Variants in SIPA1 observed in about 807,000 individuals in gnomAD.
SIPA1 encodes the protein signal-induced proliferation-associated 1, also known as signal-induced proliferation-associated protein 1.
In SIPA1, 51 loss-of-function variants were observed where a neutral mutation model predicts 88.1. That is an observed-to-expected ratio of 0.58 (90% CI 0.46 to 0.73). The LOEUF (loss-of-function observed/expected upper bound fraction) is 0.73, where lower values mean the gene tolerates loss of function less well. Among genes scored for constraint, SIPA1 ranks in the 30% least tolerant of loss-of-function variants. The pLI is 0.00. For missense variants in SIPA1, 1,348 were observed against 1,467.6 expected, an observed-to-expected ratio of 0.92 and a Z score of 1.33; for synonymous variants, 681 against 664.8, an observed-to-expected ratio of 1.02 and a Z score of -0.37.
In SIPA1 at chr11:65,641,266, G is replaced by C; in HGVS notation, c.345G>C (p.Trp115Cys). Reference protein sequence around the residue: ...PAFPPVLEPRWFAHYDVQSLL... With the variant: ...PAFPPVLEPRCFAHYDVQSLL... ...TCCCACCAGTGCTTGAGCCTCGATG[G>C]TTTGCCCACTATGACGTGCAAAGCC... Residue 115 changes from tryptophan to cysteine, a missense_variant, in exon 2 of 16, where the codon TGG becomes TGC. By Grantham distance (215) the Trp-to-Cys change is radical. Coordinates refer to ENST00000534313, the MANE Select transcript of SIPA1 (RefSeq NM_006747.4). 2 of 1,613,584 alleles carry C rather than the reference G, an allele frequency of 1.2e-6. No homozygotes were observed. Among genetic ancestry groups the C allele is most frequent in the Non-Finnish European group, 1.7e-6 (2 of 1,180,030 alleles).
Position 65,650,730 on chromosome 11 carries a change from C to G in SIPA1, c.*15C>G. The stretch of plus-strand genomic sequence containing the variant: ...ACCTGGCCTGAGCCGTCTGGAACCA[C>G]CTGGGCCCCTGAGGGCACTGTGGTC... On this transcript the variant is annotated 3_prime_UTR_variant, in exon 16 of 16. Transcript: ENST00000534313. 5 of 1,552,076 alleles carry G rather than the reference C, an allele frequency of 3.2e-6. No individual in the cohort carries two copies. Among genetic ancestry groups the G allele is most frequent in the Non-Finnish European group, 4.4e-6 (5 of 1,148,204 alleles).
chr11:65,645,654 G>A (rs1856096542), intron 5 of SIPA1, among the ~76,000 whole-genome samples, 200 bp from the exon 6 acceptor site: 1 of 152,182 alleles, frequency 6.6e-6, no homozygotes, highest in Non-Finnish European at 1.5e-5. Flanking sequence ...TGGGGCTGGA[G>A]CCTGTGGAGG....
In SIPA1 at chr11:65,649,811, C is replaced by T; in HGVS notation, c.2692C>T (p.Leu898=). 1.9e-6 allele frequency: 3 copies of T among 1,614,102 alleles called. No homozygotes were observed. Among genetic ancestry groups the T allele is most frequent in the Non-Finnish European group, 2.5e-6 (3 of 1,180,032 alleles). The change falls in exon 12 of 16, where the codon CTG becomes TTG. Residue 898 remains leucine, a synonymous_variant. Transcript: ENST00000534313. ...SEDKGNPAPE[L]RASFLPRTLS... is the part of the protein sequence containing the mutation. ...GGACAAGGGCAACCCGGCGCCGGAG[C>T]TGAGGGCCTCCTTTCTGCCACGTAC...
intron 5 of SIPA1, 176 bp from the exon 6 acceptor site, chr11:65,645,678 G>A: frequency 1.8e-6 from 1 of 552,978 alleles, no homozygotes; most frequent in Non-Finnish European, 3.2e-6. Flanking sequence ...AGGAGGAGGG[G>A]CACCCAGGGC....
Position 65,642,230 on chromosome 11 carries a change from T to G in SIPA1, c.680-20T>G, listed in dbSNP as rs1294063848. ...TGCCAGAGGGCGGGACCAATCGTTT[T>G]CTTCGGCGCGGTCCCCCAGAACATC... On this transcript the variant is annotated intron_variant, in intron 2 of 15. Coordinates refer to ENST00000534313, the MANE Select transcript of SIPA1 (RefSeq NM_006747.4). The surrounding 1 kb of genome is among the most constrained non-coding windows in gnomAD (Gnocchi z 6.5). 6.5e-7 allele frequency: 1 copy of G among 1,549,146 alleles called. No homozygotes were observed. The highest frequency in any genetic ancestry group is 1.2e-5 in the South Asian group (1 of 83,838).
Position 65,645,001 on chromosome 11 carries a change from AG to A in SIPA1, c.1034del (p.Gly345AlafsTer39), listed in dbSNP as rs1565180763. ...KVGILYCRAG[Q>X]GSEEEMYNNQ... The stretch of plus-strand genomic sequence containing the variant: ...GGCATCCTGTACTGCCGGGCGGGCC[AG>A]GGCTCGGAGGAGGAGATGTACAACA... On this transcript the variant is annotated frameshift_variant, in exon 5 of 16. Transcript: ENST00000534313. LOFTEE classifies it high-confidence loss of function. The A allele has an allele frequency of 6.2e-7, 1 of 1,613,940 alleles. No individual in the cohort carries two copies. Among genetic ancestry groups the A allele is most frequent in the Non-Finnish European group, 8.5e-7 (1 of 1,179,852 alleles).
At chr11:65,640,804 C>G in intron 1 of SIPA1, 27 bp from the exon 2 acceptor site, 1 of 935,486 alleles carries the variant, frequency 1.1e-6, no homozygotes. Context: ...TGCCCAGGCC[C>G]CTCTGAGCAG....
At position 65,645,080 on chromosome 11, in the gene SIPA1, G is replaced by A. The variant is rs1442772081; in HGVS notation, c.1110G>A (p.Val370=). ...AGTTTCTCACCTTGCTGGGCGATGTGGTGCGGCTCAAAGGCTTTGAGAGTT... is the reference window on the plus strand; with the variant it reads ...AGTTTCTCACCTTGCTGGGCGATGTAGTGCGGCTCAAAGGCTTTGAGAGTT... The part of the protein sequence containing the change: ...FMQFLTLLGD[V]VRLKGFESYR... The change falls in exon 5 of 16, where the codon GTG becomes GTA. Residue 370 remains valine (V), a synonymous_variant. Coordinates refer to ENST00000534313, the MANE Select transcript of SIPA1 (RefSeq NM_006747.4). The A allele has an allele frequency of 6.2e-7, 1 of 1,614,058 alleles. No individual in the cohort carries two copies. The highest frequency in any genetic ancestry group is 2.2e-5 in the East Asian group (1 of 44,886).
At chr11:65,647,846 G>GTCCT (rs201484072) in intron 9 of SIPA1, among the ~76,000 whole-genome samples, 188 bp downstream of exon 9, 1 of 147,928 alleles carries the variant, frequency 6.8e-6, no homozygotes, top group South Asian at 2.1e-4. Context: ...CTCTTTCTCT[G>GTCCT]TCCTTCCTTC....
At chr11:65,638,781 C>G (rs1255938792) in intron 1 of SIPA1, among the ~76,000 whole-genome samples, 1 of 152,228 alleles carries the variant, frequency 6.6e-6, no homozygotes, top group African/African-American at 2.4e-5. Context: ...GGGGGCAGAG[C>G]CCGAGAACAC....
In SIPA1 at chr11:65,640,936, C is replaced by T. The variant is rs760601344; in HGVS notation, c.15C>T (p.Ala5=). Residue 5 remains alanine (A), a synonymous_variant, in exon 2 of 16, where the codon GCC becomes GCT. Coordinates refer to ENST00000534313, the MANE Select transcript of SIPA1 (RefSeq NM_006747.4). MPMW[A]GGVGSPRRGM... is the part of the protein sequence containing the mutation. The stretch of plus-strand genomic sequence containing the variant: ...GCCCACAGAGCATGCCCATGTGGGC[C>T]GGCGGTGTGGGGAGCCCTCGGCGGG... 2.2e-5 allele frequency: 33 copies of T among 1,522,706 alleles called. No individual in the cohort carries two copies. Among genetic ancestry groups the T allele is most frequent in the Non-Finnish European group, 2.7e-5 (31 of 1,143,956 alleles). The allele number at this position is 1,522,706 out of a possible 1,614,324, so 94.3% of individuals were successfully genotyped here.
At chr11:65,640,492 G>A (rs75933844) in intron 1 of SIPA1, among the ~76,000 whole-genome samples, 9,174 of 152,312 alleles carry the variant, frequency 0.06, 377 homozygotes, top group Non-Finnish European at 0.095. Flanking sequence ...TCATCTGTCC[G>A]GTTGGGCTAG....
chr11:65,639,954 C>T (rs1225286760), intron 1 of SIPA1: 2 of 152,306 alleles, frequency 1.3e-5, no homozygotes, highest in South Asian at 2.1e-4. Flanking sequence ...AAGAGCATCT[C>T]CTCTGGACCT....
Position 65,641,500 on chromosome 11 carries a change from C to T in SIPA1, c.579C>T (p.Ala193=), listed in dbSNP as rs1381630347. The part of the protein sequence containing the change: ...PPVPPALPNA[A]VSILEEPQNR... Reference sequence around the variant, plus strand: ...TGCCCCCTGCACTGCCCAACGCGGCCGTGTCCATCCTGGAGGAGCCACAGA... The same window carrying T: ...TGCCCCCTGCACTGCCCAACGCGGCTGTGTCCATCCTGGAGGAGCCACAGA... The change falls in exon 2 of 16, where the codon GCC becomes GCT. Residue 193 remains alanine (A), a synonymous_variant. Transcript: ENST00000534313. The T allele has an allele frequency of 1.4e-5, 22 of 1,612,122 alleles. No individual in the cohort carries two copies. The highest frequency in any genetic ancestry group is 1.9e-5 in the Non-Finnish European group (22 of 1,180,012).
At chr11:65,650,213 C>A (rs751422283) in intron 14 of SIPA1, 21 bp downstream of exon 14, 1 of 1,613,412 alleles carries the variant, frequency 6.2e-7, no homozygotes. Context: ...CAACTCCCCA[C>A]AGCCGCTTTA....
Position 65,649,478 on chromosome 11 carries a change from C to A in SIPA1, c.2523C>A (p.Arg841=). ...ACAGCCAGAACTCGCTGTCACCACG[C>A]AGGTGCACACTCTTGGCCTTCCCTC... ...FLHSQNSLSP[R]SSLSDEAPVL... is the part of the protein sequence containing the mutation. The change falls in exon 10 of 16, where the codon CGC becomes CGA. Residue 841 remains arginine (R), a splice_region_variant and synonymous_variant. Coordinates refer to ENST00000534313, the MANE Select transcript of SIPA1 (RefSeq NM_006747.4). 1 of 1,613,414 alleles carries A rather than the reference C, an allele frequency of 6.2e-7. No homozygotes were observed. The highest frequency in any genetic ancestry group is 8.5e-7 in the Non-Finnish European group (1 of 1,179,550).
chr11:65,642,569 C>G lies in SIPA1; in HGVS notation c.914C>G (p.Pro305Arg), dbSNP rs778597366. The G allele has an allele frequency of 6.2e-7, 1 of 1,600,350 alleles. No homozygotes were observed. The highest frequency in any genetic ancestry group is 1.1e-5 in the South Asian group (1 of 90,332). The change falls in exon 4 of 16, where the codon CCC (proline) becomes CGC (arginine). Residue 305 changes from proline (P) to arginine (R), a missense_variant. Transcript: ENST00000534313. The surrounding 1 kb of genome is among the most constrained non-coding windows in gnomAD (Gnocchi z 6.5). ...GAGCACGTGGCGCCGCAGCTGAGCC[C>G]CAGCTGCCTGCGCCTGGGCTCAGCT... ...LLEHVAPQLSPSCLRLGSASP... is the reference protein window; with the variant it reads ...LLEHVAPQLSRSCLRLGSASP...
rs747257834 is a variant in SIPA1, at chr11:65,649,763, C to A, written c.2644C>A (p.Pro882Thr). The A allele has an allele frequency of 8.7e-6, 14 of 1,614,064 alleles. No homozygotes were observed. Among genetic ancestry groups the A allele is most frequent in the Non-Finnish European group, 1.2e-5 (14 of 1,180,028 alleles). ...ATCCACTTCTGTGGCACAGGACAGG[C>A]CAGGCAGTCCCAGTGGCTCTGAGGA... ...DSETPLTQDR[P>T]GSPSGSEDKG... The change falls in exon 12 of 16, where the codon CCA (proline) becomes ACA (threonine). Residue 882 changes from proline (P) to threonine (T), a missense_variant. Physicochemically the swap from Pro to Thr is conservative, Grantham distance 38. This residue lies in a region of SIPA1 where 615 missense variants were observed against 559.8 expected (regional missense o/e 1.10). Coordinates refer to ENST00000534313, the MANE Select transcript of SIPA1 (RefSeq NM_006747.4).
At chr11:65,648,148 C>T (rs1471248997) in intron 9 of SIPA1, among the ~76,000 whole-genome samples, 1 of 152,174 alleles carries the variant, frequency 6.6e-6, no homozygotes, top group African/African-American at 2.4e-5. Context: ...TCTGGGATTA[C>T]AGGCGTGAGT....
Sources: gnomAD v4.1 joint callset for allele counts (sites outside exome capture counted in the v4.1 genomes callset) on GRCh38, gnomAD v4.1.1 for gene constraint, gnomAD v4.1.1 regional missense constraint, Gnocchi (gnomAD v3.1) non-coding constraint, MANE v1.5 for transcripts, NCBI Gene and HGNC (gene_info 2026-07-23, HGNC 2026-07-21) for gene names.